The following RANBP2 variants were observed in gnomAD, a reference collection of about 807,000 sequenced individuals.
RANBP2 encodes the protein E3 SUMO-protein ligase RanBP2.
In RANBP2, 57 loss-of-function variants were observed where a neutral mutation model predicts 303.6. That is an observed-to-expected ratio of 0.19 (90% CI 0.15 to 0.23). RANBP2 has a LOEUF of 0.23. RANBP2 is among the 10% of genes least tolerant of loss of function. The probability of loss-of-function intolerance (pLI) is 1.00; values close to 1 mark genes in which losing one functional copy is unlikely to be tolerated. For missense variants in RANBP2, 3,138 were observed against 3,780.8 expected (o/e 0.83, Z 4.46); for synonymous variants, 1,167 against 1,301.5 (o/e 0.90, Z 2.23).
the RANBP2 span, among the ~76,000 whole-genome samples, chr2:109,394,427 G>A: frequency 6.6e-5 from 10 of 152,254 alleles, no homozygotes; most frequent in East Asian, 1.2e-3. Flanking sequence ...CAAGAGCATC[G>A]GACTAGGGGG....
chr2:109,356,143 A>G, the RANBP2 span, among the ~76,000 whole-genome samples: 4 of 152,130 alleles, frequency 2.6e-5, no homozygotes, highest in Admixed American at 2.0e-4. Flanking sequence ...CTTCCTTGAC[A>G]TTCTTAGAGT....
the RANBP2 span, among the ~76,000 whole-genome samples, chr2:109,742,822 A>T: frequency 2.0e-5 from 3 of 148,674 alleles, no homozygotes; most frequent in African/African-American, 7.6e-5. Flanking sequence ...AATCAGGACA[A>T]TGTGGTATTA....
the RANBP2 span, among the ~76,000 whole-genome samples, chr2:109,179,552 CT>C: frequency 1.3e-5 from 2 of 152,164 alleles, no homozygotes; most frequent in African/African-American, 4.8e-5. Context: ...GTTCTGGAGA[CT>C]GGGAAGTCCA....
chr2:109,484,901 C>G, the RANBP2 span, among the ~76,000 whole-genome samples: 4 of 152,210 alleles, frequency 2.6e-5, no homozygotes, highest in Non-Finnish European at 5.9e-5. Flanking sequence ...ACTATCTCCC[C>G]AGTCTCAGGT....
the RANBP2 span, among the ~76,000 whole-genome samples, chr2:109,152,235 G>A: frequency 2.0e-5 from 3 of 152,222 alleles, no homozygotes; most frequent in Admixed American, 6.5e-5. Context: ...TTCATTTTCC[G>A]AGGTGACAGG....
the RANBP2 span, among the ~76,000 whole-genome samples, chr2:109,154,327 G>C: frequency 6.6e-6 from 1 of 152,134 alleles, no homozygotes; most frequent in Non-Finnish European, 1.5e-5. Flanking sequence ...GTAGGTGATT[G>C]GGGTTATCAT....
the RANBP2 span, among the ~76,000 whole-genome samples, chr2:109,013,013 G>A: frequency 5.1e-4 from 77 of 152,310 alleles, no homozygotes; most frequent in Middle Eastern, 0.014. Context: ...TTAAAGGGCC[G>A]AGTAGGGCGA....
the RANBP2 span, among the ~76,000 whole-genome samples, chr2:109,329,708 GA>G: frequency 0.27 from 41,465 of 152,162 alleles, 7,310 homozygotes; most frequent in African/African-American, 0.5. Context: ...CAAGAAGTAA[GA>G]AAGCAGGAGG....
At chr2:108,859,059 G>A in the RANBP2 span, among the ~76,000 whole-genome samples, 447 of 152,082 alleles carry the variant, frequency 2.9e-3, 3 homozygotes, top group African/African-American at 0.01. Flanking sequence ...TTGCTGAATC[G>A]AATGGCAGTT....
the RANBP2 span, among the ~76,000 whole-genome samples, chr2:108,829,917 T>C: frequency 2.4e-4 from 37 of 152,302 alleles, 1 homozygote; most frequent in East Asian, 6.7e-3. Context: ...GTTTTACTTC[T>C]GGATATATAT....
chr2:109,511,119 G>T, the RANBP2 span, among the ~76,000 whole-genome samples: 1 of 152,200 alleles, frequency 6.6e-6, no homozygotes, highest in African/African-American at 2.4e-5. Flanking sequence ...GGGCAAAGAG[G>T]TGCGGCACCT....
the RANBP2 span, among the ~76,000 whole-genome samples, chr2:109,224,641 T>C: frequency 6.6e-6 from 1 of 152,186 alleles, no homozygotes; most frequent in East Asian, 1.9e-4. Context: ...GCAGATCACT[T>C]GAGGTCAGGA....
At chr2:109,701,362 GC>G in the RANBP2 span, among the ~76,000 whole-genome samples, 1 of 152,174 alleles carries the variant, frequency 6.6e-6, no homozygotes. Context: ...CTCAGGATGT[GC>G]CCAAGGTGGT....
At chr2:109,766,490 T>TATAA in the RANBP2 span, among the ~76,000 whole-genome samples, 1 of 150,600 alleles carries the variant, frequency 6.6e-6, no homozygotes, top group African/African-American at 2.4e-5. Context: ...GATAGGTTTT[T>TATAA]AACCAAATGT....
the RANBP2 span, among the ~76,000 whole-genome samples, chr2:109,735,870 G>T: frequency 6.6e-6 from 1 of 152,160 alleles, no homozygotes; most frequent in African/African-American, 2.4e-5. Context: ...AAGCAATTCC[G>T]CTTCAGAGAA....
chr2:109,307,655 T>C, the RANBP2 span, among the ~76,000 whole-genome samples: 1 of 142,008 alleles, frequency 7.0e-6, no homozygotes, highest in South Asian at 2.3e-4. Context: ...TTCCCACCTA[T>C]GAGTGAGAAT....
the RANBP2 span, among the ~76,000 whole-genome samples, chr2:109,588,365 T>C: frequency 6.6e-6 from 1 of 151,890 alleles, no homozygotes; most frequent in Non-Finnish European, 1.5e-5. Context: ...AAAATACAAA[T>C]GTTTAAAGCA....
the RANBP2 span, among the ~76,000 whole-genome samples, chr2:109,574,263 C>T: frequency 6.6e-6 from 1 of 150,388 alleles, no homozygotes; most frequent in South Asian, 2.1e-4. Flanking sequence ...CATACCAAGA[C>T]ATCCAACTCC....
the RANBP2 span, among the ~76,000 whole-genome samples, chr2:108,820,720 C>CAAACAAAA: frequency 1.4e-5 from 2 of 142,714 alleles, no homozygotes; most frequent in African/African-American, 5.2e-5. Context: ...AAAAAACAAA[C>CAAACAAAA]AACAAAACTG....
Sources: gnomAD v4.1 joint callset for allele counts (sites outside exome capture counted in the v4.1 genomes callset) on GRCh38, gnomAD v4.1.1 for gene constraint, MANE v1.5 for transcripts, NCBI Gene and HGNC (gene_info 2026-07-23, HGNC 2026-07-21) for gene names.